The following CD247 variants were observed in gnomAD, a reference collection of about 807,000 sequenced individuals.
CD247 encodes CD247 molecule.
CD247 carries 13 observed loss-of-function variants against 30.0 expected under a neutral mutation model. The ratio of observed to expected loss-of-function variants is 0.43; its 90% CI spans 0.28 to 0.69. The LOEUF (loss-of-function observed/expected upper bound fraction) is 0.69. Among genes scored for constraint, CD247 ranks in the 30% least tolerant of loss-of-function variants. The pLI is 0.16. For synonymous variants in CD247, 72 were observed against 80.0 expected (o/e 0.90, Z 0.53); for missense variants, 193 against 212.6 (o/e 0.91, Z 0.57).
At position 167,493,037 on chromosome 1, in the gene CD247, C is replaced by CTTTT. The variant is rs60850667; in HGVS notation, c.58+25367_58+25370dup. 4.2e-3 allele frequency among the ~76,000 whole-genome samples: 336 copies of CTTTT among 80,370 alleles called. 3 individuals are homozygous for CTTTT. The highest frequency in any genetic ancestry group is 0.033 in the Middle Eastern group (3 of 90). The allele number at this position is 80,370 out of a possible 152,430, so 52.7% of individuals were successfully genotyped here. The stretch of plus-strand genomic sequence containing the variant: ...TGCCCTATTTTCCCTAATTTTTCTC[C>CTTTT]TTTTTTTTTTTTTTTTTTTTTTTGA... On this transcript the variant is annotated intron_variant, in intron 1 of 7. Transcript: ENST00000362089.
intron 1 of CD247, among the ~76,000 whole-genome samples, chr1:167,477,717 T>C (rs1304083691): frequency 2.0e-5 from 3 of 152,286 alleles, no homozygotes; most frequent in African/African-American, 2.4e-5. Context: ...TTTGTGTATA[T>C]GGAGTTTTAC....
At chr1:167,467,768 G>A (rs889802313) in intron 1 of CD247, among the ~76,000 whole-genome samples, 1 of 152,120 alleles carries the variant, frequency 6.6e-6, no homozygotes, top group Non-Finnish European at 1.5e-5. Context: ...CAGTTTGCTC[G>A]TATCCCAGTG....
intron 1 of CD247, among the ~76,000 whole-genome samples, chr1:167,482,466 C>T (rs1008756850): frequency 6.6e-6 from 1 of 152,238 alleles, no homozygotes; most frequent in African/African-American, 2.4e-5. Flanking sequence ...CGTCTTTCCT[C>T]TCTGGGTGTC....
chr1:167,480,592 G>A (rs1238612367), intron 1 of CD247, among the ~76,000 whole-genome samples: 2 of 152,162 alleles, frequency 1.3e-5, no homozygotes, highest in African/African-American at 4.8e-5. Flanking sequence ...GAGTGACTGT[G>A]GGATATCCTG....
chr1:167,449,752 CT>C (rs1652269063), intron 1 of CD247, among the ~76,000 whole-genome samples: 1 of 151,964 alleles, frequency 6.6e-6, no homozygotes, highest in African/African-American at 2.4e-5. Context: ...GTGAAACCCT[CT>C]CTCTACTAAA....
intron 1 of CD247, among the ~76,000 whole-genome samples, chr1:167,446,537 G>C (rs1652085286): frequency 1.3e-5 from 2 of 152,182 alleles, no homozygotes; most frequent in African/African-American, 4.8e-5. Flanking sequence ...GGGGTGCCCT[G>C]CACAGTGGCG....
In CD247 at chr1:167,438,634, C is replaced by G; in HGVS notation, c.236G>C (p.Arg79Pro). 1 of 1,613,946 alleles carries G rather than the reference C, an allele frequency of 6.2e-7. No individual in the cohort carries two copies. The highest frequency in any genetic ancestry group is 8.5e-7 in the Non-Finnish European group (1 of 1,179,786). ...GTCCAAAACATCGTACTCCTCTCTT[C>G]GTCCTAGATTGAGCTCCTATAACAG... ...NQLYNELNLG[R>P]REEYDVLDKR... Residue 79 changes from arginine to proline, a missense_variant, in exon 4 of 8, where the codon CGA becomes CCA. Arg to Pro is a moderately radical substitution (Grantham distance 103). Transcript: ENST00000362089.
chr1:167,517,989 G>C (rs1247144185), intron 1 of CD247, among the ~76,000 whole-genome samples: 1 of 152,216 alleles, frequency 6.6e-6, no homozygotes, highest in African/African-American at 2.4e-5. Context: ...GACGGAGCCA[G>C]CCAGAGGGTG....
chr1:167,442,340 G>A (rs1222270859), intron 1 of CD247, among the ~76,000 whole-genome samples: 1 of 152,122 alleles, frequency 6.6e-6, no homozygotes, highest in African/African-American at 2.4e-5. Flanking sequence ...GCCCTCTGGT[G>A]GCCTTTGGAC....
chr1:167,445,790 G>A lies in CD247; in HGVS notation c.59-5023C>T, dbSNP rs146140521. Among the ~76,000 whole-genome samples the A allele has an allele frequency of 1.8e-3, 281 of 152,258 alleles. 2 individuals carry two copies. The highest frequency in any genetic ancestry group is 6.6e-3 in the African/African-American group (274 of 41,522). On this transcript the variant is annotated intron_variant, in intron 1 of 7. Transcript: ENST00000362089. ...CCATACCCTGAGGCTGAAAATACACGCTGGTGCCCTTTCCCCTGCAGTCAA... is the reference window on the plus strand; with the variant it reads ...CCATACCCTGAGGCTGAAAATACACACTGGTGCCCTTTCCCCTGCAGTCAA...
At chr1:167,486,290 A>G (rs1195864768) in intron 1 of CD247, among the ~76,000 whole-genome samples, 1 of 152,220 alleles carries the variant, frequency 6.6e-6, no homozygotes, top group Non-Finnish European at 1.5e-5. Context: ...ACAGCCAGAG[A>G]GAGGCAACTC....
intron 1 of CD247, among the ~76,000 whole-genome samples, chr1:167,495,176 T>C (rs1558026270): frequency 6.6e-6 from 1 of 152,294 alleles, no homozygotes; most frequent in East Asian, 1.9e-4. Context: ...CAGTCCTGGG[T>C]TTAAATCTTG....
chr1:167,513,496 T>G (rs1473767567), intron 1 of CD247, among the ~76,000 whole-genome samples: 1 of 152,240 alleles, frequency 6.6e-6, no homozygotes, highest in East Asian at 1.9e-4. Flanking sequence ...AAATGTTGGC[T>G]ACCTGAAATA....
chr1:167,440,532 G>A, intron 2 of CD247, 132 bp downstream of exon 2: 1 of 702,724 alleles, frequency 1.4e-6, no homozygotes, highest in South Asian at 1.5e-5. Context: ...CACTTGGCTG[G>A]TCCTTGCTTT....
Position 167,506,230 on chromosome 1 carries a change from CTTTTCTTTTCT to C in CD247, c.58+12167_58+12177del, listed in dbSNP as rs1558032306. 8.4e-5 allele frequency among the ~76,000 whole-genome samples: 5 copies of C among 59,618 alleles called. No individual in the cohort carries two copies. The East Asian group carries it at 2.7e-3, about 32-fold the overall frequency. The allele number at this position is 59,618 out of a possible 152,430, so 39.1% of individuals were successfully genotyped here. On this transcript the variant is annotated intron_variant, in intron 1 of 7. Transcript: ENST00000362089. ...AGACGCCATCTTTCTTTTTTCTTTT[CTTTTCTTTTCT>C]TTTCCTTTTCTTTTCTTTTCTTTTC... is the stretch of plus-strand genomic sequence containing the variant.
intron 1 of CD247, among the ~76,000 whole-genome samples, chr1:167,466,168 A>T (rs1653236477): frequency 6.6e-6 from 1 of 152,152 alleles, no homozygotes; most frequent in South Asian, 2.1e-4. Flanking sequence ...CAGGGATTTG[A>T]GTTGCAACTT....
intron 1 of CD247, among the ~76,000 whole-genome samples, chr1:167,502,296 C>T (rs543962162): frequency 1.8e-4 from 27 of 152,288 alleles, no homozygotes; most frequent in Admixed American, 1.6e-3. Context: ...AATTGAGCCA[C>T]CCTAGAAACA....
chr1:167,453,391 C>A, intron 1 of CD247, among the ~76,000 whole-genome samples: 1 of 152,148 alleles, frequency 6.6e-6, no homozygotes, highest in East Asian at 1.9e-4. Context: ...CTTTCTCACG[C>A]AGCACACTGC....
chr1:167,479,442 G>A (rs1010744127), intron 1 of CD247, among the ~76,000 whole-genome samples: 6 of 152,250 alleles, frequency 3.9e-5, no homozygotes, highest in East Asian at 1.9e-4. Flanking sequence ...TAGTTTCCCC[G>A]ACCATGATTC....
Sources: allele counts gnomAD v4.1 joint callset (sites outside exome capture counted in the v4.1 genomes callset), GRCh38; gene constraint gnomAD v4.1.1; transcripts MANE v1.5; gene names NCBI Gene and HGNC (gene_info 2026-07-23, HGNC 2026-07-21).